Variants in EFCAB6 observed in about 807,000 individuals in gnomAD.
The protein encoded by EFCAB6 is EF-hand calcium binding domain 6.
In EFCAB6, 156 loss-of-function variants were observed where a neutral mutation model predicts 169.8. That is an observed-to-expected ratio of 0.92 (90% CI 0.81 to 1.05). The LOEUF (loss-of-function observed/expected upper bound fraction) is 1.05. EFCAB6 is among the 50% of genes least tolerant of loss of function. EFCAB6 has a pLI of 0.00. For synonymous variants in EFCAB6, 698 were observed against 676.4 expected (o/e 1.03, Z -0.50); for missense variants, 1,800 against 1,829.1 (o/e 0.98, Z 0.29).
chr22:43,591,307 A>G (rs2051530371), intron 23 of EFCAB6, among the ~76,000 whole-genome samples: 1 of 151,540 alleles, frequency 6.6e-6, no homozygotes, highest in Non-Finnish European at 1.5e-5. Flanking sequence ...AAACACAAAA[A>G]TTAGCCAGGC....
chr22:43,707,911 G>A (rs2059013233), intron 10 of EFCAB6, among the ~76,000 whole-genome samples: 1 of 152,036 alleles, frequency 6.6e-6, no homozygotes, highest in African/African-American at 2.4e-5. Flanking sequence ...CAAAGCCCAA[G>A]TCAATGACAA....
intron 10 of EFCAB6, among the ~76,000 whole-genome samples, chr22:43,688,420 T>C (rs999195068): frequency 2.0e-5 from 3 of 152,218 alleles, no homozygotes; most frequent in African/African-American, 4.8e-5. Flanking sequence ...GCAAGAATAA[T>C]TGGAAAATTG....
At chr22:43,725,138 T>G (rs1447200212) in intron 8 of EFCAB6, among the ~76,000 whole-genome samples, 1 of 145,736 alleles carries the variant, frequency 6.9e-6, no homozygotes, top group African/African-American at 2.5e-5. Flanking sequence ...AACTGGCTTT[T>G]TTTTTTTTTT....
chr22:43,744,221 CAGATGGATGTGGGGATGGATGATGAA>C lies in EFCAB6; in HGVS notation c.508-8254_508-8229del, dbSNP rs1380305594. Among the ~76,000 whole-genome samples, 2 of 149,390 alleles carry C rather than the reference CAGATGGATGTGGGGATGGATGATGAA, an allele frequency of 1.3e-5. No individual in the cohort carries two copies. Among genetic ancestry groups the C allele is most frequent in the Admixed American group, 6.7e-5 (1 of 15,014 alleles). On this transcript the variant is annotated intron_variant, in intron 6 of 31. Transcript: ENST00000262726. The surrounding 1 kb of genome is among the most constrained non-coding windows in gnomAD (Gnocchi z 4.3). ...AATGAATGGATGGAAGGGCTATGGA[CAGATGGATGTGGGGATGGATGATGAA>C]GGATGGATGGGTGGATGGATGAGTG...
chr22:43,729,889 C>A (rs536702007), intron 8 of EFCAB6, among the ~76,000 whole-genome samples: 1 of 152,132 alleles, frequency 6.6e-6, no homozygotes, highest in African/African-American at 2.4e-5. Context: ...CTGGTCATGG[C>A]GGCATACGCC....
At position 43,677,680 on chromosome 22, in the gene EFCAB6, C is replaced by T. The variant is rs557163067; in HGVS notation, c.1419+316G>A. Among the ~76,000 whole-genome samples the T allele has an allele frequency of 1.5e-3, 230 of 152,022 alleles. 1 individual carries two copies. The highest frequency in any genetic ancestry group is 5.5e-3 in the African/African-American group (226 of 41,420). ...CATCTCAAGAAAAAAACAAGAACAA[C>T]AAAAATAAATAAATAAATAAGACAT... On this transcript the variant is annotated intron_variant, in intron 13 of 31. Transcript: ENST00000262726.
chr22:43,708,144 C>T (rs1398507536), intron 10 of EFCAB6, among the ~76,000 whole-genome samples: 1 of 150,424 alleles, frequency 6.6e-6, no homozygotes, highest in Non-Finnish European at 1.5e-5. Context: ...CAGTGGCTCA[C>T]GCCTGTAATC....
intron 13 of EFCAB6, among the ~76,000 whole-genome samples, chr22:43,674,511 C>A (rs2057636123): frequency 1.3e-5 from 2 of 152,144 alleles, no homozygotes; most frequent in Non-Finnish European, 2.9e-5. Context: ...AGATGCAGCA[C>A]AGGCCAAGGC....
intron 30 of EFCAB6, chr22:43,532,176 G>A (rs2047109838): frequency 6.6e-6 from 1 of 151,700 alleles, no homozygotes; most frequent in Admixed American, 6.6e-5. Context: ...CCACAGAGTG[G>A]TGCCTTGGGA....
chr22:43,659,567 G>T (rs1387467315), intron 17 of EFCAB6, among the ~76,000 whole-genome samples: 1 of 152,038 alleles, frequency 6.6e-6, no homozygotes, highest in Non-Finnish European at 1.5e-5. Context: ...GGGTGAGGTG[G>T]CAGGACTGCT....
chr22:43,784,026 G>A (rs561610980), intron 2 of EFCAB6, among the ~76,000 whole-genome samples: 2 of 152,114 alleles, frequency 1.3e-5, no homozygotes, highest in South Asian at 2.1e-4. Context: ...CCGTGATTAC[G>A]CCACTGCACT....
chr22:43,622,701 C>T (rs2014916), intron 20 of EFCAB6, among the ~76,000 whole-genome samples: 73,944 of 151,998 alleles, frequency 0.49, 18,178 homozygotes, highest in East Asian at 0.62. Flanking sequence ...TTATCCTAAA[C>T]AATATTTCAT....
At chr22:43,806,185 G>GAGGAGA (rs144483647) in intron 2 of EFCAB6, among the ~76,000 whole-genome samples, 1 of 135,604 alleles carries the variant, frequency 7.4e-6, no homozygotes, top group Non-Finnish European at 1.6e-5. Flanking sequence ...GAGGAGAGGA[G>GAGGAGA]GGGGAGGGGA....
chr22:43,574,083 G>A (rs182855031), intron 26 of EFCAB6, among the ~76,000 whole-genome samples: 1 of 151,962 alleles, frequency 6.6e-6, no homozygotes, highest in South Asian at 2.1e-4. Flanking sequence ...CCAAAATGTA[G>A]ATAGAGATTT....
intron 10 of EFCAB6, among the ~76,000 whole-genome samples, chr22:43,707,094 C>A (rs559257835): frequency 7.9e-5 from 12 of 152,184 alleles, no homozygotes; most frequent in African/African-American, 2.9e-4. Context: ...CTAATAGCAA[C>A]CCTGAAATCT....
At chr22:43,746,853 C>T (rs536687120) in intron 6 of EFCAB6, among the ~76,000 whole-genome samples, 4 of 152,328 alleles carry the variant, frequency 2.6e-5, no homozygotes, top group Non-Finnish European at 5.9e-5. Flanking sequence ...ATGGGTACTC[C>T]ACCTCAGCTG....
At chr22:43,582,813 A>T (rs1470777552) in intron 24 of EFCAB6, among the ~76,000 whole-genome samples, 1 of 152,122 alleles carries the variant, frequency 6.6e-6, no homozygotes, top group Non-Finnish European at 1.5e-5. Flanking sequence ...AAAAATATTG[A>T]ACGTTATCTG....
chr22:43,575,359 T>G (rs933638229), intron 26 of EFCAB6, among the ~76,000 whole-genome samples: 3 of 8,638 alleles, frequency 3.5e-4, no homozygotes, highest in Admixed American at 1.9e-3. Flanking sequence ...TCCGGCTATG[T>G]TTTTTTTTTT....
intron 2 of EFCAB6, among the ~76,000 whole-genome samples, chr22:43,803,243 G>T (rs185374449): frequency 1.2e-4 from 19 of 152,086 alleles, no homozygotes; most frequent in African/African-American, 4.6e-4. Context: ...AAAGAGCAGC[G>T]GTTCTCTTTC....
Sources: gnomAD v4.1 joint callset for allele counts (sites outside exome capture counted in the v4.1 genomes callset) on GRCh38, gnomAD v4.1.1 for gene constraint, Gnocchi (gnomAD v3.1) non-coding constraint, MANE v1.5 for transcripts, NCBI Gene and HGNC (gene_info 2026-07-23, HGNC 2026-07-21) for gene names.